The following UNC13A variants were observed in gnomAD, a reference collection of about 807,000 sequenced individuals.
The protein encoded by UNC13A is protein unc-13 homolog A.
Under a neutral mutation model 219.7 loss-of-function variants are expected in UNC13A, and 61 were observed. That is an observed-to-expected ratio of 0.28 (90% confidence interval 0.23 to 0.34). The LOEUF is 0.34. Among genes scored for constraint, UNC13A ranks in the 10% least tolerant of loss-of-function variants. The pLI, the probability that UNC13A is intolerant of heterozygous loss-of-function variation, is 1.00. For synonymous variants in UNC13A, 920 were observed against 884.6 expected (o/e 1.04, Z -0.71); for missense variants, 1,476 against 2,270.3 (o/e 0.65, Z 7.11).
In UNC13A at chr19:17,648,536, C is replaced by G. The variant is rs774523027; in HGVS notation, c.1711G>C (p.Glu571Gln). The change falls in exon 16 of 44, where the codon GAG becomes CAG. Residue 571 changes from glutamate to glutamine, a missense_variant. By Grantham distance (29) the Glu-to-Gln change is conservative (BLOSUM62 2). This residue lies in a region of UNC13A where 85 missense variants were observed against 211.5 expected (regional missense o/e 0.40). Transcript: ENST00000519716. Reference protein sequence around the residue: ...ATTPTYCYECEGLLWGIARQG... With the variant: ...ATTPTYCYECQGLLWGIARQG... The stretch of plus-strand genomic sequence containing the variant: ...CTCGCGATGCCCCACAGCAGCCCCT[C>G]GCACTCGTAGCAGTAGGTGGGCGTG... The G allele has an allele frequency of 1.1e-5, 18 of 1,614,042 alleles. No homozygotes were observed. The highest frequency in any genetic ancestry group is 3.3e-4 in the Middle Eastern group (2 of 6,062).
At chr19:17,671,628 G>C (rs1254173375) in intron 4 of UNC13A, among the ~76,000 whole-genome samples, 1 of 151,924 alleles carries the variant, frequency 6.6e-6, no homozygotes, top group Non-Finnish European at 1.5e-5. Context: ...AAAAAAATAA[G>C]GGGGGCCTGG....
In UNC13A at chr19:17,627,906, C is replaced by T. The variant is rs1224130500; in HGVS notation, c.3788G>A (p.Arg1263Gln). The change falls in exon 32 of 44, where the codon CGA becomes CAA. Residue 1263 changes from arginine to glutamine, a missense_variant. Physicochemically the swap from Arg to Gln is conservative, Grantham distance 43. Transcript: ENST00000519716. This position sits in a 1 kb window ranked among gnomAD's most constrained non-coding sequence, Gnocchi z 4.7. ...CILMNNTQQLRVQLEKMFEAM... is the reference protein window; with the variant it reads ...CILMNNTQQLQVQLEKMFEAM... ...TTCGAACATCTTCTCCAGCTGAACT[C>T]GTAGCTGTTGAGTGTTATTCATGAG... 6.2e-7 allele frequency: 1 copy of T among 1,604,860 alleles called. No individual in the cohort carries two copies. Among genetic ancestry groups the T allele is most frequent in the African/African-American group, 1.3e-5 (1 of 74,924 alleles).
intron 40 of UNC13A, among the ~76,000 whole-genome samples, chr19:17,618,200 C>A (rs2076689007): frequency 6.6e-6 from 1 of 152,248 alleles, no homozygotes; most frequent in African/African-American, 2.4e-5. Flanking sequence ...CAAGCCTAAT[C>A]CTACAAGGCT....
chr19:17,664,525 G>C (rs2079607969), intron 7 of UNC13A, among the ~76,000 whole-genome samples: 1 of 152,172 alleles, frequency 6.6e-6, no homozygotes, highest in East Asian at 1.9e-4. Context: ...GGGAGGACTT[G>C]TGGGTAAATA....
intron 8 of UNC13A, among the ~76,000 whole-genome samples, chr19:17,659,946 A>T (rs564411739): frequency 6.6e-6 from 1 of 152,310 alleles, no homozygotes; most frequent in African/African-American, 2.4e-5. Flanking sequence ...CTTGGGCTGG[A>T]GCGCAGTGGC....
intron 41 of UNC13A, among the ~76,000 whole-genome samples, chr19:17,617,240 C>G (rs1288001264): frequency 6.6e-6 from 1 of 152,116 alleles, no homozygotes; most frequent in Non-Finnish European, 1.5e-5. Context: ...GTCAATCACT[C>G]CTGAAGTCTC....
intron 36 of UNC13A, 91 bp from the exon 37 acceptor site, chr19:17,621,961 G>C (rs899904230): frequency 1.6e-6 from 2 of 1,288,116 alleles, no homozygotes; most frequent in Admixed American, 1.7e-5. Context: ...GGGGATGGGG[G>C]AATCCACACT....
At chr19:17,671,574 C>A (rs922692785) in intron 4 of UNC13A, among the ~76,000 whole-genome samples, 5 of 151,864 alleles carry the variant, frequency 3.3e-5, no homozygotes, top group Non-Finnish European at 7.4e-5. Context: ...AGTTCGAAAC[C>A]AGCCTGGGCA....
rs2144878474 is a variant in UNC13A, at chr19:17,601,479, T to G, written c.*4575A>C. Reference sequence around the variant, plus strand: ...TGTTAAACATTTGTTCCAAGTCACATATTTACAGAGAAATGAAGGCGTCTG... The same window carrying G: ...TGTTAAACATTTGTTCCAAGTCACAGATTTACAGAGAAATGAAGGCGTCTG... On this transcript the variant is annotated 3_prime_UTR_variant, in exon 44 of 44. Transcript: ENST00000519716. 1 of 152,742 alleles carries G rather than the reference T, an allele frequency of 6.5e-6. No individual in the cohort carries two copies. The allele number at this position is 152,742 out of a possible 1,614,324, so 9.5% of individuals were successfully genotyped here. A position where few individuals can be genotyped will look rare whatever the true frequency, so the allele number is the denominator to read the frequency against.
intron 1 of UNC13A, among the ~76,000 whole-genome samples, chr19:17,683,783 T>C (rs764826331): frequency 4.6e-5 from 7 of 152,160 alleles, no homozygotes; most frequent in Non-Finnish European, 7.3e-5. Context: ...ATTCATAACA[T>C]GTTTATAGAG....
At position 17,605,854 on chromosome 19, in the gene UNC13A, G is replaced by A. The variant is rs1385540357; in HGVS notation, c.*200C>T. The stretch of plus-strand genomic sequence containing the variant: ...CTTCCTTCGTCGCGCCCTTGGGCGT[G>A]GCCTCCCGAGAGGGCGGGGCATCCT... On this transcript the variant is annotated 3_prime_UTR_variant, in exon 44 of 44. Coordinates refer to ENST00000519716, the MANE Select transcript of UNC13A (RefSeq NM_001080421.3). The A allele has an allele frequency of 3.9e-6, 2 of 517,612 alleles. No homozygotes were observed. Among genetic ancestry groups the A allele is most frequent in the Non-Finnish European group, 6.3e-6 (2 of 318,178 alleles). The allele number at this position is 517,612 out of a possible 1,614,324, so 32.1% of individuals were successfully genotyped here.
At chr19:17,671,996 A>T (rs898955687) in intron 4 of UNC13A, among the ~76,000 whole-genome samples, 17 of 152,158 alleles carry the variant, frequency 1.1e-4, no homozygotes, top group Admixed American at 1.1e-3. Context: ...GCCCAGGACT[A>T]CATTTTCCAG....
In UNC13A at chr19:17,606,011, C is replaced by G; in HGVS notation, c.*43G>C. On this transcript the variant is annotated 3_prime_UTR_variant, in exon 44 of 44. Coordinates refer to ENST00000519716, the MANE Select transcript of UNC13A (RefSeq NM_001080421.3). ...GCAAGCCCCGTCCCTCCCCGCCCAG[C>G]GCCCTCCGCGCAGGCGCAGTGCCGC... The G allele has an allele frequency of 7.2e-7, 1 of 1,394,794 alleles. No homozygotes were observed. The highest frequency in any genetic ancestry group is 3.0e-5 in the East Asian group (1 of 33,136). 86.4% of individuals were successfully genotyped at this position (1,394,794 alleles called of 1,614,324 possible). A position where few individuals can be genotyped will look rare whatever the true frequency, so the allele number is the denominator to read the frequency against.
intron 17 of UNC13A, among the ~76,000 whole-genome samples, chr19:17,646,499 G>A (rs971687138): frequency 6.6e-6 from 1 of 151,844 alleles, no homozygotes; most frequent in African/African-American, 2.4e-5. Context: ...CAGGTGATCC[G>A]CCTGCCTCAG....
intron 25 of UNC13A, among the ~76,000 whole-genome samples, chr19:17,636,883 A>G (rs2076917599): frequency 6.6e-6 from 1 of 152,228 alleles, no homozygotes; most frequent in Non-Finnish European, 1.5e-5. Context: ...GTTGAGAACA[A>G]CTTGACTTGA....
In UNC13A at chr19:17,641,554, G is replaced by A. The variant is rs373333847; in HGVS notation, c.2475C>T (p.Asn825=). The change falls in exon 21 of 44, where the codon AAC becomes AAT. Residue 825 remains asparagine, a splice_region_variant and synonymous_variant. Transcript: ENST00000519716. ...GCACGTCGGTCACGAAGTGGAACAGGTTCTGCCACCATGGGAGAGAAAGTG... is the reference window on the plus strand; with the variant it reads ...GCACGTCGGTCACGAAGTGGAACAGATTCTGCCACCATGGGAGAGAAAGTG... ...YHVQYTCLHE[N]LFHFVTDVQN... 5 of 1,613,934 alleles carry A rather than the reference G, an allele frequency of 3.1e-6. No individual in the cohort carries two copies. Among genetic ancestry groups the A allele is most frequent in the East Asian group, 2.2e-5 (1 of 44,882 alleles).
Position 17,674,400 on chromosome 19 carries a change from T to C in UNC13A, c.152+257A>G, listed in dbSNP as rs1233055496. Among the ~76,000 whole-genome samples the C allele has an allele frequency of 6.6e-6, 1 of 151,952 alleles. No homozygotes were observed. Among genetic ancestry groups the C allele is most frequent in the Non-Finnish European group, 1.5e-5 (1 of 67,958 alleles). ...CCCTGGCTGCCTGGAGGAGAACAGATTGTAGGAGGTGGATGGCACAGGAGG... is the reference window on the plus strand; with the variant it reads ...CCCTGGCTGCCTGGAGGAGAACAGACTGTAGGAGGTGGATGGCACAGGAGG... On this transcript the variant is annotated intron_variant, in intron 3 of 43. Transcript: ENST00000519716. The surrounding 1 kb of genome is among the most constrained non-coding windows in gnomAD (Gnocchi z 5.0).
chr19:17,611,148 A>G lies in UNC13A; in HGVS notation c.4651+615T>C, dbSNP rs185615423. Among the ~76,000 whole-genome samples the G allele has an allele frequency of 7.9e-5, 12 of 152,352 alleles. No individual in the cohort carries two copies. In the East Asian group the frequency reaches 2.1e-3, roughly 27 times the overall value. The stretch of plus-strand genomic sequence containing the variant: ...CCATATCAGCTCGAGGCTGGTTGCT[A>G]CTTAAACTGTTATCCCAGAGAAAAA... On this transcript the variant is annotated intron_variant, in intron 42 of 43. Transcript: ENST00000519716.
At chr19:17,651,972 T>C (rs548917053) in intron 12 of UNC13A, among the ~76,000 whole-genome samples, 183 of 152,296 alleles carry the variant, frequency 1.2e-3, no homozygotes, top group African/African-American at 4.1e-3. Context: ...AACAACTATC[T>C]TTAATTAAAG....
Sources: allele counts gnomAD v4.1 joint callset (sites outside exome capture counted in the v4.1 genomes callset), GRCh38; gene constraint gnomAD v4.1.1; regional missense constraint gnomAD v4.1.1; non-coding constraint Gnocchi (gnomAD v3.1); transcripts MANE v1.5; gene names NCBI Gene and HGNC (gene_info 2026-07-23, HGNC 2026-07-21).